Variants in RASGRF2 observed in about 807,000 individuals in gnomAD.
RASGRF2 encodes the protein ras-specific guanine nucleotide-releasing factor 2.
RASGRF2 carries 76 observed loss-of-function variants against 151.0 expected under a neutral mutation model. The ratio of observed to expected loss-of-function variants is 0.50; its 90% CI spans 0.42 to 0.61. The LOEUF (loss-of-function observed/expected upper bound fraction) is 0.61. Among genes scored for constraint, RASGRF2 ranks in the 20% least tolerant of loss-of-function variants. The pLI is 0.00. For missense variants in RASGRF2, 1,148 were observed against 1,564.6 expected (o/e 0.73, Z 4.49); for synonymous variants, 504 against 566.5 (o/e 0.89, Z 1.57).
At chr5:81,218,173 T>C (rs1755786047) in intron 25 of RASGRF2, among the ~76,000 whole-genome samples, 1 of 152,104 alleles carries the variant, frequency 6.6e-6, no homozygotes, top group Non-Finnish European at 1.5e-5. Flanking sequence ...CCCGGCCCAA[T>C]GTTTGCTTTT....
intron 1 of RASGRF2, among the ~76,000 whole-genome samples, chr5:80,964,728 A>G (rs1205158825): frequency 6.6e-6 from 1 of 152,162 alleles, no homozygotes; most frequent in Non-Finnish European, 1.5e-5. Context: ...GTAATTCTTG[A>G]GAAATACGAT....
intron 19 of RASGRF2, among the ~76,000 whole-genome samples, chr5:81,202,844 C>T (rs1268191053): frequency 2.6e-5 from 4 of 152,232 alleles, no homozygotes; most frequent in Non-Finnish European, 2.9e-5. Context: ...AGCCAAAGAT[C>T]GCTGGCAAAC....
chr5:81,208,573 A>G (rs1233125558), intron 22 of RASGRF2, 135 bp downstream of exon 22: 1 of 435,938 alleles, frequency 2.3e-6, no homozygotes. Flanking sequence ...TTTTTTTGAG[A>G]CAGAGTCTCG....
intron 17 of RASGRF2, among the ~76,000 whole-genome samples, chr5:81,138,381 G>A (rs964931554): frequency 1.3e-5 from 2 of 152,112 alleles, no homozygotes; most frequent in South Asian, 2.1e-4. Context: ...AGAAGAAGGC[G>A]AGAGGGGACT....
chr5:81,201,560 G>A, intron 19 of RASGRF2, 118 bp downstream of exon 19: 2 of 1,140,360 alleles, frequency 1.8e-6, no homozygotes, highest in South Asian at 1.7e-5. Context: ...GTTCTCAGCA[G>A]TAAAGTGTTA....
rs1364869545 is a variant in RASGRF2, at chr5:81,216,386, AACAC to A, written c.3434+440_3434+443del. Among the ~76,000 whole-genome samples, 5 of 114,192 alleles carry A rather than the reference AACAC, an allele frequency of 4.4e-5. No individual in the cohort carries two copies. The East Asian group carries it at 1.0e-3, about 23-fold the overall frequency. The allele number at this position is 114,192 out of a possible 152,430, so 74.9% of individuals were successfully genotyped here. A position where few individuals can be genotyped will look rare whatever the true frequency, so the allele number is the denominator to read the frequency against. ...ACACACACGCACACACACACACACAAACACACACACACGCAGAGAGAGAGAGAGT... is the reference window on the plus strand; with the variant it reads ...ACACACACGCACACACACACACACAAACACACACGCAGAGAGAGAGAGAGT... On this transcript the variant is annotated intron_variant, in intron 24 of 26. Transcript: ENST00000265080.
At chr5:80,987,853 C>G (rs553209893) in intron 1 of RASGRF2, among the ~76,000 whole-genome samples, 53 of 152,270 alleles carry the variant, frequency 3.5e-4, no homozygotes, top group African/African-American at 1.3e-3. Flanking sequence ...GTGAAATTCT[C>G]TTCTCCCATC....
rs986640292 is a variant in RASGRF2 at position 81,128,357 on chromosome 5, C to T, written c.2686+1194C>T. Among the ~76,000 whole-genome samples, 6 of 152,062 alleles carry T rather than the reference C, an allele frequency of 3.9e-5. No individual in the cohort carries two copies. The East Asian group carries it at 5.8e-4, about 15-fold the overall frequency. On this transcript the variant is annotated intron_variant, in intron 17 of 26. Transcript: ENST00000265080. The stretch of plus-strand genomic sequence containing the variant: ...TGACTTAATCATTCTTCAGTATATA[C>T]GTACATCAAAACATCACATTGTACC...
intron 2 of RASGRF2, among the ~76,000 whole-genome samples, chr5:81,046,551 C>T (rs1004692355): frequency 7.9e-5 from 12 of 152,020 alleles, no homozygotes; most frequent in Non-Finnish European, 1.5e-4. Flanking sequence ...GTTCAGGGGA[C>T]GCTGCTACCG....
chr5:80,983,620 A>G (rs944341405), intron 1 of RASGRF2, among the ~76,000 whole-genome samples: 3 of 152,176 alleles, frequency 2.0e-5, no homozygotes, highest in Non-Finnish European at 2.9e-5. Context: ...TACGGAAAAC[A>G]TTTGCCAACC....
At chr5:80,995,084 G>A (rs191458785) in intron 1 of RASGRF2, among the ~76,000 whole-genome samples, 2 of 152,024 alleles carry the variant, frequency 1.3e-5, no homozygotes, top group Non-Finnish European at 2.9e-5. Context: ...GTGAAACCCC[G>A]TCTCTACTGA....
intron 5 of RASGRF2, among the ~76,000 whole-genome samples, chr5:81,073,808 G>A (rs546243705): frequency 1.4e-4 from 21 of 152,050 alleles, no homozygotes; most frequent in South Asian, 6.2e-4. Context: ...TAGTAGAGAC[G>A]GGGTTTCACC....
At chr5:81,062,427 C>A (rs1751472796) in intron 2 of RASGRF2, among the ~76,000 whole-genome samples, 1 of 152,106 alleles carries the variant, frequency 6.6e-6, no homozygotes, top group Non-Finnish European at 1.5e-5. Flanking sequence ...ATTGTCTCTG[C>A]TAGGAAAAAT....
chr5:81,135,940 C>A (rs1753742496), intron 17 of RASGRF2, among the ~76,000 whole-genome samples: 1 of 152,198 alleles, frequency 6.6e-6, no homozygotes, highest in Admixed American at 6.5e-5. Flanking sequence ...ACAGAGTAGT[C>A]CCAATTCTTC....
chr5:81,127,044 A>G, intron 16 of RASGRF2, 30 bp from the exon 17 acceptor site: 1 of 1,604,220 alleles, frequency 6.2e-7, no homozygotes, highest in South Asian at 1.1e-5. Context: ...TTGCCTCACC[A>G]TTCCATTTCC....
chr5:81,192,726 T>C (rs753307203), intron 18 of RASGRF2, among the ~76,000 whole-genome samples: 5 of 152,218 alleles, frequency 3.3e-5, no homozygotes, highest in Non-Finnish European at 7.3e-5. Flanking sequence ...TGTCTCTAGT[T>C]CATGAACATG....
chr5:81,167,579 G>A (rs10474650), intron 17 of RASGRF2, among the ~76,000 whole-genome samples: 1 of 152,160 alleles, frequency 6.6e-6, no homozygotes, highest in Non-Finnish European at 1.5e-5. Context: ...TGTTCTCCTC[G>A]CTGGGCTTTC....
chr5:81,161,510 C>T (rs960387627), intron 17 of RASGRF2, among the ~76,000 whole-genome samples: 4 of 152,160 alleles, frequency 2.6e-5, no homozygotes, highest in African/African-American at 7.2e-5. Flanking sequence ...CTGTAATGAA[C>T]GACCTCACTG....
chr5:81,080,882 C>CT, intron 7 of RASGRF2, 93 bp downstream of exon 7: 1 of 1,189,176 alleles, frequency 8.4e-7, no homozygotes, highest in South Asian at 1.5e-5. Flanking sequence ...TAAGTGTGCC[C>CT]TGGGAGGAAT....
Sources: gnomAD v4.1 joint callset for allele counts (sites outside exome capture counted in the v4.1 genomes callset) on GRCh38, gnomAD v4.1.1 for gene constraint, MANE v1.5 for transcripts, NCBI Gene and HGNC (gene_info 2026-07-23, HGNC 2026-07-21) for gene names.